The following BBS9 variants were observed in gnomAD, a reference collection of about 807,000 sequenced individuals.
The protein encoded by BBS9 is protein PTHB1.
BBS9 carries 89 observed loss-of-function variants against 117.7 expected under a neutral mutation model. The ratio of observed to expected loss-of-function variants is 0.76; its 90% CI spans 0.64 to 0.90. BBS9 has a LOEUF of 0.90. BBS9 is among the 40% of genes least tolerant of loss of function. BBS9 has a pLI of 0.00. For missense variants in BBS9, 982 were observed against 1,042.2 expected (o/e 0.94, Z 0.80); for synonymous variants, 379 against 370.9 (o/e 1.02, Z -0.25).
intron 5 of BBS9, among the ~76,000 whole-genome samples, chr7:33,191,948 TAA>T (rs879731779): frequency 4.3e-5 from 6 of 141,004 alleles, no homozygotes; most frequent in African/African-American, 2.6e-5. Context: ...TATGTACCGG[TAA>T]AAAAAAAAAA....
intron 9 of BBS9, among the ~76,000 whole-genome samples, chr7:33,309,659 C>T (rs1016409891): frequency 3.3e-5 from 5 of 151,894 alleles, no homozygotes; most frequent in Admixed American, 1.3e-4. Context: ...GTATGGTGAC[C>T]GAGGTACATA....
chr7:33,480,947 A>G (rs1842446549), intron 19 of BBS9, among the ~76,000 whole-genome samples: 1 of 152,076 alleles, frequency 6.6e-6, no homozygotes, highest in Non-Finnish European at 1.5e-5. Flanking sequence ...CATGTAAGAA[A>G]TGCCTTGCTT....
chr7:33,399,997 A>C (rs570172571), intron 19 of BBS9, among the ~76,000 whole-genome samples: 20 of 152,152 alleles, frequency 1.3e-4, no homozygotes, highest in Middle Eastern at 3.4e-3. Context: ...ACTTTTTATA[A>C]ATTGAATGCA....
At position 33,466,233 on chromosome 7, in the gene BBS9, T is replaced by G. The variant is rs886169480; in HGVS notation, c.2116-39230T>G. On this transcript the variant is annotated intron_variant, in intron 19 of 22. Coordinates refer to ENST00000242067, the MANE Select transcript of BBS9 (RefSeq NM_198428.3). ...GTATTATTAACTATAGTCACCATGC[T>G]GTACATTAGATGTTCAGAACTTATT... 3.3e-5 allele frequency among the ~76,000 whole-genome samples: 5 copies of G among 152,290 alleles called. No homozygotes were observed. The South Asian group carries it at 1.0e-3, about 32-fold the overall frequency.
At chr7:33,305,589 G>C (rs763579017) in intron 9 of BBS9, among the ~76,000 whole-genome samples, 3 of 152,142 alleles carry the variant, frequency 2.0e-5, no homozygotes, top group Admixed American at 6.5e-5. Context: ...CTCGTTACTC[G>C]ATATTGATAT....
chr7:33,268,809 C>A (rs1799260069), intron 7 of BBS9, among the ~76,000 whole-genome samples: 2 of 152,238 alleles, frequency 1.3e-5, no homozygotes, highest in Admixed American at 1.3e-4. Context: ...ACATGATTTG[C>A]CTGTTCACTT....
chr7:33,208,624 G>A (rs1787407745), intron 5 of BBS9, among the ~76,000 whole-genome samples: 1 of 152,158 alleles, frequency 6.6e-6, no homozygotes, highest in Non-Finnish European at 1.5e-5. Context: ...GCAGTGGGCT[G>A]ATGGTAGAAG....
chr7:33,134,039 T>G (rs1014495042), intron 1 of BBS9, among the ~76,000 whole-genome samples: 2 of 152,062 alleles, frequency 1.3e-5, no homozygotes, highest in Admixed American at 6.6e-5. Flanking sequence ...GTTTCCCTAA[T>G]GACTAATTAT....
At chr7:33,195,062 G>C (rs7791710) in intron 5 of BBS9, among the ~76,000 whole-genome samples, 126,940 of 152,132 alleles carry the variant, frequency 0.83, 52,964 homozygotes, top group Admixed American at 0.87. Flanking sequence ...TATAGTAACT[G>C]TTATTTAATT....
chr7:33,396,232 A>ATTATCTTTGC (rs1217850171), intron 19 of BBS9, among the ~76,000 whole-genome samples: 2 of 152,156 alleles, frequency 1.3e-5, no homozygotes, highest in Non-Finnish European at 2.9e-5. Context: ...TATATTATTA[A>ATTATCTTTGC]TTATCTTTGC....
intron 1 of BBS9, among the ~76,000 whole-genome samples, chr7:33,140,022 C>A (rs183924331): frequency 6.6e-6 from 1 of 151,610 alleles, no homozygotes; most frequent in Admixed American, 6.6e-5. Flanking sequence ...CTGGTAGATT[C>A]CTCTTCTTTT....
At chr7:33,184,360 C>G (rs554334492) in intron 5 of BBS9, among the ~76,000 whole-genome samples, 3 of 152,162 alleles carry the variant, frequency 2.0e-5, no homozygotes, top group Non-Finnish European at 1.5e-5. Flanking sequence ...CCTAATCCCC[C>G]CACAGCCATC....
rs192649871 is a variant in BBS9, at chr7:33,217,020, G to A, written c.442+39429G>A. On this transcript the variant is annotated intron_variant, in intron 5 of 22. Coordinates refer to ENST00000242067, the MANE Select transcript of BBS9 (RefSeq NM_198428.3). ...TGAGGCAGGAGAATGGTTTGAACCCGGGAGGTGGAGGTTGCAGTGAGCTGA... is the reference window on the plus strand; with the variant it reads ...TGAGGCAGGAGAATGGTTTGAACCCAGGAGGTGGAGGTTGCAGTGAGCTGA... Among the ~76,000 whole-genome samples, 272 of 152,154 alleles carry A rather than the reference G, an allele frequency of 1.8e-3. 4 individuals are homozygous for A. Among genetic ancestry groups the A allele is most frequent in the Admixed American group, 0.014 (220 of 15,290 alleles).
rs1253959393 is a variant in BBS9, at chr7:33,622,851, G to A, written c.2522-12326G>A. ...ATAGTTTTCAATAAGTGTTGCTGAA[G>A]CAATTGGATAACCATATTGAGAAAA... On this transcript the variant is annotated intron_variant, in intron 21 of 21. Coordinates refer to the BBS9 transcript ENST00000671952. Among the ~76,000 whole-genome samples, 3 of 152,178 alleles carry A rather than the reference G, an allele frequency of 2.0e-5. No individual in the cohort carries two copies. The East Asian group carries it at 5.8e-4, about 29-fold the overall frequency.
intron 21 of BBS9, among the ~76,000 whole-genome samples, chr7:33,618,840 T>A (rs1271046403): frequency 6.6e-6 from 1 of 151,588 alleles, no homozygotes; most frequent in African/African-American, 2.4e-5. Flanking sequence ...CATACACACA[T>A]ACACACACAC....
chr7:33,281,726 G>T (rs1801947083), intron 9 of BBS9, among the ~76,000 whole-genome samples: 1 of 151,120 alleles, frequency 6.6e-6, no homozygotes, highest in African/African-American at 2.4e-5. Context: ...AATGATATAG[G>T]GTGTTATTAT....
At chr7:33,534,813 G>T (rs941037844) in intron 21 of BBS9, among the ~76,000 whole-genome samples, 2 of 152,128 alleles carry the variant, frequency 1.3e-5, no homozygotes, top group Non-Finnish European at 2.9e-5. Flanking sequence ...CTTAGGCGCA[G>T]CAGTTCCCAA....
chr7:33,145,304 C>T (rs904248614), intron 1 of BBS9, among the ~76,000 whole-genome samples: 1 of 152,164 alleles, frequency 6.6e-6, no homozygotes, highest in Non-Finnish European at 1.5e-5. Context: ...AGTCCCAGGG[C>T]ATGTGATGCT....
chr7:33,303,649 C>T (rs1807060277), intron 9 of BBS9, among the ~76,000 whole-genome samples: 2 of 151,524 alleles, frequency 1.3e-5, no homozygotes, highest in Non-Finnish European at 2.9e-5. Context: ...TCTGGGATTG[C>T]AGGCATGTGC....
Sources: gnomAD v4.1 joint callset for allele counts (sites outside exome capture counted in the v4.1 genomes callset) on GRCh38, gnomAD v4.1.1 for gene constraint, MANE v1.5 for transcripts, NCBI Gene and HGNC (gene_info 2026-07-23, HGNC 2026-07-21) for gene names.